Variants in DNAH17 observed in about 807,000 individuals in gnomAD.
DNAH17 encodes axonemal beta dynein heavy chain 17.
Under a neutral mutation model 485.6 loss-of-function variants are expected in DNAH17, and 376 were observed. The observed-to-expected ratio is 0.77, with a 90% CI of 0.71 to 0.84. DNAH17 has a LOEUF of 0.84. Ranked by LOEUF, DNAH17 falls within the 40% of genes least tolerant of loss-of-function variation. The pLI is 0.00. For synonymous variants in DNAH17, 3,031 were observed against 2,405.9 expected, an observed-to-expected ratio of 1.26 and a Z score of -7.60; for missense variants, 6,370 against 5,839.3, an observed-to-expected ratio of 1.09 and a Z score of -2.96.
At chr17:78,464,425 A>T (rs776472549) in intron 56 of DNAH17, among the ~76,000 whole-genome samples, 4 of 152,054 alleles carry the variant, frequency 2.6e-5, no homozygotes, top group Non-Finnish European at 4.4e-5. Flanking sequence ...ACACCCGGCT[A>T]ATTTTTTATA....
intron 14 of DNAH17, among the ~76,000 whole-genome samples, chr17:78,556,219 C>CT (rs1420556425): frequency 2.0e-5 from 3 of 152,216 alleles, no homozygotes; most frequent in Non-Finnish European, 4.4e-5. Context: ...ACCGATCTAT[C>CT]TATCCATCCA....
At chr17:78,577,065 C>T (rs891910436) in intron 1 of DNAH17, among the ~76,000 whole-genome samples, 1 of 152,156 alleles carries the variant, frequency 6.6e-6, no homozygotes, top group Non-Finnish European at 1.5e-5. Context: ...AAGGCCTTCC[C>T]AGGAGCAGGG....
intron 78 of DNAH17, 134 bp from the exon 79 acceptor site, chr17:78,426,734 A>T: frequency 7.4e-7 from 1 of 1,353,596 alleles, no homozygotes; most frequent in Non-Finnish European, 1.0e-6. Flanking sequence ...CATCAGGGCC[A>T]CGCAAGCGCT....
At chr17:78,499,309 G>A (rs529207492) in intron 36 of DNAH17, 197 bp from the exon 37 acceptor site, 5 of 414,850 alleles carry the variant, frequency 1.2e-5, no homozygotes, top group Middle Eastern at 6.1e-4. Flanking sequence ...GGCTGGACAC[G>A]AGGAAGAGCC....
rs186391137 is a variant in DNAH17 at position 78,550,247 on chromosome 17, G to C, written c.2391+1288C>G. Among the ~76,000 whole-genome samples the C allele has an allele frequency of 5.7e-4, 46 of 80,120 alleles. No homozygotes were observed. In the East Asian group the frequency reaches 0.016, roughly 28 times the overall value. 52.6% of individuals were successfully genotyped at this position (80,120 alleles called of 152,430 possible). On this transcript the variant is annotated intron_variant, in intron 16 of 80. Transcript: ENST00000389840. Reference sequence around the variant, plus strand: ...AAGGAGGCACACGTCTGGACACTTTGGTGACATTTTCTGACCCTAAAGATA... The same window carrying C: ...AAGGAGGCACACGTCTGGACACTTTCGTGACATTTTCTGACCCTAAAGATA...
chr17:78,549,315 G>A (rs1166971542), intron 16 of DNAH17, among the ~76,000 whole-genome samples: 2 of 152,246 alleles, frequency 1.3e-5, no homozygotes, highest in African/African-American at 4.8e-5. Context: ...CATCGAGAAG[G>A]CAGCCGTCTG....
intron 67 of DNAH17, 116 bp from the exon 68 acceptor site, chr17:78,450,510 C>T: frequency 3.4e-6 from 5 of 1,476,336 alleles, no homozygotes; most frequent in Non-Finnish European, 4.6e-6. Context: ...GGGCTCTCAG[C>T]AGCAGCTGGG....
chr17:78,452,716 C>T (rs777155282), intron 65 of DNAH17, among the ~76,000 whole-genome samples: 1 of 152,158 alleles, frequency 6.6e-6, no homozygotes, highest in African/African-American at 2.4e-5. Context: ...CCAGCCTGGA[C>T]GACAGAGCGA....
At chr17:78,465,391 A>G (rs1407372134) in intron 56 of DNAH17, among the ~76,000 whole-genome samples, 8 of 115,892 alleles carry the variant, frequency 6.9e-5, no homozygotes, top group Admixed American at 6.1e-4. Flanking sequence ...CTGGCCGCCC[A>G]TCATCTGGGA....
At chr17:78,488,326 C>T (rs972531707) in intron 44 of DNAH17, among the ~76,000 whole-genome samples, 1 of 152,220 alleles carries the variant, frequency 6.6e-6, no homozygotes, top group Non-Finnish European at 1.5e-5. Flanking sequence ...AGGAGGGCTG[C>T]TCCTGCTGTC....
At chr17:78,460,104 G>A (rs1441297665) in intron 59 of DNAH17, 58 bp downstream of exon 59, 40 of 1,579,184 alleles carry the variant, frequency 2.5e-5, no homozygotes, top group Admixed American at 5.4e-5. Context: ...CGCCAACAGC[G>A]AAGGCAGCTT....
At position 78,543,903 on chromosome 17, in the gene DNAH17, T is replaced by C. The variant is rs553544512; in HGVS notation, c.2486A>G (p.Tyr829Cys). 2 of 1,614,062 alleles carry C rather than the reference T, an allele frequency of 1.2e-6. No individual in the cohort carries two copies. Among genetic ancestry groups the C allele is most frequent in the East Asian group, 2.2e-5 (1 of 44,892 alleles). ...CACTCCAGCATCCCTGACTGCTGCGTAGCGCTTGTTGAGGTTGGCAATTCT... is the reference window on the plus strand; with the variant it reads ...CACTCCAGCATCCCTGACTGCTGCGCAGCGCTTGTTGAGGTTGGCAATTCT... ...DGRIANLNKR[Y>C]AAVRDAGVKI... is the part of the protein sequence containing the mutation. Residue 829 changes from tyrosine (Y) to cysteine (C), a missense_variant, in exon 17 of 81, where the codon TAC (tyrosine) becomes TGC (cysteine). Coordinates refer to ENST00000389840, the MANE Select transcript of DNAH17 (RefSeq NM_173628.4).
At chr17:78,433,960 G>GGAAGGAGGGAGGGAAGGAGGGAGA in intron 75 of DNAH17, 69 bp downstream of exon 75, 1 of 1,244,392 alleles carries the variant, frequency 8.0e-7, no homozygotes, top group Non-Finnish European at 1.1e-6. Context: ...AAGGAGGGAG[G>GGAAGGAGGGAGGGAAGGAGGGAGA]GAAGGAGGGA....
In DNAH17 at chr17:78,535,390, C is replaced by T. The variant is rs140740184; in HGVS notation, c.2859+1909G>A. On this transcript the variant is annotated intron_variant, in intron 19 of 80. Transcript: ENST00000389840. ...CCCACCCTTCCAGAATCCGCTCACACGCCCACTCCTCTCAGGAGCTGTCCT... is the reference window on the plus strand; with the variant it reads ...CCCACCCTTCCAGAATCCGCTCACATGCCCACTCCTCTCAGGAGCTGTCCT... Among the ~76,000 whole-genome samples the T allele has an allele frequency of 3.6e-3, 541 of 152,354 alleles. 2 individuals are homozygous for T. Among genetic ancestry groups the T allele is most frequent in the African/African-American group, 0.012 (498 of 41,584 alleles).
At chr17:78,573,952 AC>A (rs1234731736) in intron 2 of DNAH17, among the ~76,000 whole-genome samples, 2 of 152,074 alleles carry the variant, frequency 1.3e-5, no homozygotes, top group Admixed American at 1.3e-4. Context: ...CCTACACAGC[AC>A]CTGCCAAGGG....
Position 78,569,489 on chromosome 17 carries a change from G to GC in DNAH17, c.1082dup (p.Leu362ProfsTer4), listed in dbSNP as rs1407997700. ...GGACTTCCTCGATTTCACCTTGCAGGCCCTTCAGCACCTCTTCCGGGCTCA... is the reference window on the plus strand; with the variant it reads ...GGACTTCCTCGATTTCACCTTGCAGGCCCCTTCAGCACCTCTTCCGGGCTCA... On this transcript the variant is annotated frameshift_variant, in exon 8 of 81. Coordinates refer to ENST00000389840, the MANE Select transcript of DNAH17 (RefSeq NM_173628.4). LOFTEE classifies it high-confidence loss of function. The GC allele has an allele frequency of 6.2e-7, 1 of 1,610,464 alleles. No homozygotes were observed.
chr17:78,425,223 C>A, intron 80 of DNAH17, 123 bp downstream of exon 80: 1 of 966,272 alleles, frequency 1.0e-6, no homozygotes, highest in East Asian at 2.5e-5. Flanking sequence ...CTGAGAGCAC[C>A]TCTCTCCTGC....
chr17:78,483,493 G>A (rs1598547235), intron 48 of DNAH17, among the ~76,000 whole-genome samples: 1 of 152,140 alleles, frequency 6.6e-6, no homozygotes, highest in South Asian at 2.1e-4. Flanking sequence ...AGGTGGGCAT[G>A]GTGGCAGGCA....
chr17:78,492,171 C>T (rs141364405), intron 42 of DNAH17, among the ~76,000 whole-genome samples: 46 of 152,242 alleles, frequency 3.0e-4, no homozygotes, highest in African/African-American at 1.0e-3. Flanking sequence ...CCTCAGCTCT[C>T]GCAGCTCCTT....
Sources: allele counts gnomAD v4.1 joint callset (sites outside exome capture counted in the v4.1 genomes callset), GRCh38; gene constraint gnomAD v4.1.1; transcripts MANE v1.5; gene names NCBI Gene and HGNC (gene_info 2026-07-23, HGNC 2026-07-21).